Variants in ADAT2 observed in about 807,000 individuals in gnomAD.
ADAT2 encodes the protein tRNA-specific adenosine-34 deaminase catalytic subunit ADAT2.
Under a neutral mutation model 25.9 loss-of-function variants are expected in ADAT2, and 26 were observed. That is an observed-to-expected ratio of 1.00 (90% CI 0.74 to 1.39). ADAT2 has a LOEUF of 1.39. ADAT2 is among the 40% of genes most tolerant of loss of function. ADAT2 has a pLI of 0.00. For synonymous variants in ADAT2, 76 were observed against 86.8 expected, an observed-to-expected ratio of 0.88 and a Z score of 0.69; for missense variants, 220 against 244.8, an observed-to-expected ratio of 0.90 and a Z score of 0.68.
At chr6:143,431,514 A>G (rs1354354739) in intron 4 of ADAT2, among the ~76,000 whole-genome samples, 5 of 152,242 alleles carry the variant, frequency 3.3e-5, no homozygotes, top group Non-Finnish European at 7.3e-5. Flanking sequence ...TGATCAAACC[A>G]ATTGTATCCT....
In ADAT2 at chr6:143,433,128, C is replaced by G. The variant is rs79536534; in HGVS notation, c.353-517G>C. 3.1e-4 allele frequency among the ~76,000 whole-genome samples: 47 copies of G among 152,220 alleles called. No individual in the cohort carries two copies. The East Asian group carries it at 8.7e-3, about 28-fold the overall frequency. ...TAGAGACTGTACATTTTATCATACC[C>G]AAAAACCTCTGTATTATTTTTAAAG... On this transcript the variant is annotated intron_variant, in intron 3 of 5. Coordinates refer to ENST00000237283, the MANE Select transcript of ADAT2 (RefSeq NM_182503.3).
At chr6:143,439,680 G>A (rs1296885844) in intron 1 of ADAT2, among the ~76,000 whole-genome samples, 1 of 152,178 alleles carries the variant, frequency 6.6e-6, no homozygotes, top group Non-Finnish European at 1.5e-5. Flanking sequence ...CTTCATGGAG[G>A]AGGATGTGCA....
rs1778967270 is a variant in ADAT2 at position 143,427,336 on chromosome 6, A to C, written c.*1127T>G. ...GAAATGAATCTACTGAAGAAATGCA[A>C]CTGAGGAGCAGCAGCCCCTCCAGGG... On this transcript the variant is annotated 3_prime_UTR_variant, in exon 6 of 6. Transcript: ENST00000237283. The C allele has an allele frequency of 6.6e-6, 1 of 152,644 alleles. No homozygotes were observed. The highest frequency in any genetic ancestry group is 6.5e-5 in the Admixed American group (1 of 15,292). The allele number at this position is 152,644 out of a possible 1,614,324, so 9.5% of individuals were successfully genotyped here.
rs1013094104 is a variant in ADAT2, at chr6:143,429,819, C to T, written c.460-1135G>A. 2.6e-5 allele frequency among the ~76,000 whole-genome samples: 4 copies of T among 152,158 alleles called. No homozygotes were observed. In the East Asian group the frequency reaches 5.8e-4, roughly 22 times the overall value. The stretch of plus-strand genomic sequence containing the variant: ...CTGTGAGATGCTGTTCAGAACGAAC[C>T]TCCCATTCTCCTGTGTCTTCAGTCT... On this transcript the variant is annotated intron_variant, in intron 4 of 5. Coordinates refer to ENST00000237283, the MANE Select transcript of ADAT2 (RefSeq NM_182503.3).
chr6:143,449,891 T>C (rs146785214), intron 1 of ADAT2: 278 of 152,294 alleles, frequency 1.8e-3, no homozygotes, highest in African/African-American at 6.3e-3. Flanking sequence ...GATGGGACAA[T>C]AGGGCTAAGG....
chr6:143,429,283 C>T (rs958976836), intron 4 of ADAT2, among the ~76,000 whole-genome samples: 28 of 152,228 alleles, frequency 1.8e-4, no homozygotes, highest in Middle Eastern at 3.4e-3. Flanking sequence ...GAGATGTAAG[C>T]GGCTCACAAA....
chr6:143,424,133 C>T lies in ADAT2; in HGVS notation c.*4330G>A, dbSNP rs1396093044. 1.3e-5 allele frequency: 2 copies of T among 152,152 alleles called. No homozygotes were observed. Among genetic ancestry groups the T allele is most frequent in the Non-Finnish European group, 2.9e-5 (2 of 68,036 alleles). The allele number at this position is 152,152 out of a possible 1,614,324, so 9.4% of individuals were successfully genotyped here. Reference sequence around the variant, plus strand: ...TTCAGCAGAACTCACCAGTCTAATCCATAAAAATCACGTCGCCCATCGCTC... The same window carrying T: ...TTCAGCAGAACTCACCAGTCTAATCTATAAAAATCACGTCGCCCATCGCTC... On this transcript the variant is annotated 3_prime_UTR_variant, in exon 6 of 6. Coordinates refer to ENST00000237283, the MANE Select transcript of ADAT2 (RefSeq NM_182503.3). The surrounding 1 kb of genome is among the most constrained non-coding windows in gnomAD (Gnocchi z 4.8).
In ADAT2 at chr6:143,436,608, G is replaced by A. The variant is rs1779291115; in HGVS notation, c.201+1982C>T. On this transcript the variant is annotated intron_variant, in intron 2 of 5. Transcript: ENST00000237283. This position sits in a 1 kb window ranked among gnomAD's most constrained non-coding sequence, Gnocchi z 4.1. ...ATGAGATGGAATTCACTGGGGCCGA[G>A]AGCAACATGAATGACCTGGTATCAG... The A allele has an allele frequency of 7.4e-6, 3 of 405,742 alleles. No homozygotes were observed. The highest frequency in any genetic ancestry group is 6.3e-5 in the South Asian group (3 of 47,266). The allele number at this position is 405,742 out of a possible 1,614,324, so 25.1% of individuals were successfully genotyped here. A position where few individuals can be genotyped will look rare whatever the true frequency, so the allele number is the denominator to read the frequency against.
intron 1 of ADAT2, among the ~76,000 whole-genome samples, chr6:143,447,927 C>T (rs1359487362): frequency 6.6e-6 from 1 of 152,172 alleles, no homozygotes; most frequent in Non-Finnish European, 1.5e-5. Context: ...AATCATGCTG[C>T]TATAAAGACA....
rs1778939118 is a variant in ADAT2 at position 143,426,509 on chromosome 6, A to G, written c.*1954T>C. 6.6e-6 allele frequency: 1 copy of G among 152,218 alleles called. No individual in the cohort carries two copies. The highest frequency in any genetic ancestry group is 2.1e-4 in the South Asian group (1 of 4,822). 9.4% of individuals were successfully genotyped at this position (152,218 alleles called of 1,614,324 possible). Reference sequence around the variant, plus strand: ...GGAACCAAAAAGATGGTAAACCACAATTAAATTGTTCAGCTATGCTTCAGA... The same window carrying G: ...GGAACCAAAAAGATGGTAAACCACAGTTAAATTGTTCAGCTATGCTTCAGA... On this transcript the variant is annotated 3_prime_UTR_variant, in exon 6 of 6. Coordinates refer to ENST00000237283, the MANE Select transcript of ADAT2 (RefSeq NM_182503.3). This position sits in a 1 kb window ranked among gnomAD's most constrained non-coding sequence, Gnocchi z 4.1.
At chr6:143,430,212 C>A (rs550301186) in intron 4 of ADAT2, among the ~76,000 whole-genome samples, 1 of 152,310 alleles carries the variant, frequency 6.6e-6, no homozygotes, top group Admixed American at 6.5e-5. Context: ...TGCTGGAGCT[C>A]CCCAGAGGTC....
rs1423467105 is a variant in ADAT2 at position 143,424,468 on chromosome 6, C to G, written c.*3995G>C. The G allele has an allele frequency of 2.6e-5, 4 of 152,172 alleles. No individual in the cohort carries two copies. The highest frequency in any genetic ancestry group is 2.6e-4 in the Admixed American group (4 of 15,278). The allele number at this position is 152,172 out of a possible 1,614,324, so 9.4% of individuals were successfully genotyped here. On this transcript the variant is annotated 3_prime_UTR_variant, in exon 6 of 6. Coordinates refer to ENST00000237283, the MANE Select transcript of ADAT2 (RefSeq NM_182503.3). The surrounding 1 kb of genome is among the most constrained non-coding windows in gnomAD (Gnocchi z 4.8). ...TAGCAGTGCTTACAACATTTTAAGT[C>G]TAGATGTCTCTATGGAAACCCAAGA...
Position 143,440,640 on chromosome 6 carries a change from A to G in ADAT2, c.97-1946T>C, listed in dbSNP as rs1262188107. ...CTGTGACAGTGGTTAAAGCATGTCC[A>G]GTTTATGCAAGTTCAAAAGGCTTGA... On this transcript the variant is annotated intron_variant, in intron 1 of 5. Transcript: ENST00000237283. This position sits in a 1 kb window ranked among gnomAD's most constrained non-coding sequence, Gnocchi z 4.5. 1.3e-5 allele frequency among the ~76,000 whole-genome samples: 2 copies of G among 152,206 alleles called. No homozygotes were observed. The highest frequency in any genetic ancestry group is 2.9e-5 in the Non-Finnish European group (2 of 68,036).
chr6:143,434,604 T>C lies in ADAT2; in HGVS notation c.202-623A>G, dbSNP rs1381844010. 6.6e-6 allele frequency among the ~76,000 whole-genome samples: 1 copy of C among 152,218 alleles called. No individual in the cohort carries two copies. Among genetic ancestry groups the C allele is most frequent in the African/African-American group, 2.4e-5 (1 of 41,462 alleles). On this transcript the variant is annotated intron_variant, in intron 2 of 5. Transcript: ENST00000237283. The surrounding 1 kb of genome is among the most constrained non-coding windows in gnomAD (Gnocchi z 4.5). ...ATTTTGACAGTGACATTACCAATTA[T>C]GTGGACTTACGCAAGTAACTTAACT...
intron 4 of ADAT2, among the ~76,000 whole-genome samples, chr6:143,431,637 A>G (rs1399223689): frequency 2.0e-5 from 3 of 152,232 alleles, no homozygotes; most frequent in Admixed American, 2.0e-4. Context: ...AAAACTCAAG[A>G]ACGTTTTAAA....
At chr6:143,439,286 A>G (rs1269836335) in intron 1 of ADAT2, among the ~76,000 whole-genome samples, 2 of 150,880 alleles carry the variant, frequency 1.3e-5, no homozygotes, top group Non-Finnish European at 2.9e-5. Flanking sequence ...AAGTAAACAC[A>G]CACACAGTCT....
Position 143,433,967 on chromosome 6 carries a change from T to C in ADAT2, c.216A>G (p.Ala72=), listed in dbSNP as rs1779193071. 2 of 1,614,122 alleles carry C rather than the reference T, an allele frequency of 1.2e-6. No homozygotes were observed. The highest frequency in any genetic ancestry group is 1.7e-6 in the Non-Finnish European group (2 of 1,180,030). Reference sequence around the variant, plus strand: ...GGACCTGATCGATGGCCACCATTTCTGCATGTCGAGTAGCCTGAAAAGAGA... The same window carrying C: ...GGACCTGATCGATGGCCACCATTTCCGCATGTCGAGTAGCCTGAAAAGAGA... The part of the protein sequence containing the change: ...VNQTKNATRH[A]EMVAIDQVLD... Residue 72 remains alanine (A), a synonymous_variant, in exon 3 of 6, where the codon GCA becomes GCG. Transcript: ENST00000237283.
rs2128738118 is a variant in ADAT2 at position 143,428,597 on chromosome 6, C to T, written c.532+15G>A. 1.2e-6 allele frequency: 2 copies of T among 1,613,768 alleles called. No homozygotes were observed. The highest frequency in any genetic ancestry group is 1.7e-6 in the Non-Finnish European group (2 of 1,179,772). ...GGATTTAAGGGAAGGACATTATCCACAACAGAAAACTGACCATTTGGATTT... is the reference window on the plus strand; with the variant it reads ...GGATTTAAGGGAAGGACATTATCCATAACAGAAAACTGACCATTTGGATTT... On this transcript the variant is annotated intron_variant, in intron 5 of 5. Coordinates refer to ENST00000237283, the MANE Select transcript of ADAT2 (RefSeq NM_182503.3). The surrounding 1 kb of genome is among the most constrained non-coding windows in gnomAD (Gnocchi z 5.0).
intron 2 of ADAT2, 48 bp downstream of exon 2, chr6:143,438,542 C>T: frequency 1.4e-6 from 2 of 1,435,202 alleles, no homozygotes; most frequent in Non-Finnish European, 2.0e-6. Context: ...CTCTCCAGTC[C>T]ACCCATCACT....
Sources: allele counts gnomAD v4.1 joint callset (sites outside exome capture counted in the v4.1 genomes callset), GRCh38; gene constraint gnomAD v4.1.1; non-coding constraint Gnocchi (gnomAD v3.1); transcripts MANE v1.5; gene names NCBI Gene and HGNC (gene_info 2026-07-23, HGNC 2026-07-21).